SHISA9: variants seen among roughly 807,000 people sequenced by gnomAD.
SHISA9 encodes shisa family member 9.
In SHISA9, 13 loss-of-function variants were observed where a neutral mutation model predicts 38.0. The observed-to-expected ratio is 0.34, with a 90% CI of 0.22 to 0.54. The LOEUF (loss-of-function observed/expected upper bound fraction) is 0.54, where lower values mean the gene tolerates loss of function less well. SHISA9 is among the 20% of genes least tolerant of loss of function. The pLI, the probability that SHISA9 is intolerant of heterozygous loss-of-function variation, is 0.91. For missense variants in SHISA9, 538 were observed against 575.8 expected, an observed-to-expected ratio of 0.93 and a Z score of 0.67; for synonymous variants, 275 against 242.0, an observed-to-expected ratio of 1.14 and a Z score of -1.27.
intron 1 of SHISA9, among the ~76,000 whole-genome samples, chr16:12,915,432 A>G (rs538666522): frequency 6.6e-6 from 1 of 152,326 alleles, no homozygotes; most frequent in South Asian, 2.1e-4. Context: ...GTGACAGAGC[A>G]AGACCCTATC....
chr16:13,392,705 G>A, the SHISA9 span, among the ~76,000 whole-genome samples: 23 of 152,228 alleles, frequency 1.5e-4, no homozygotes, highest in Non-Finnish European at 3.1e-4. Flanking sequence ...TGGAGGCTGC[G>A]ATATGACTGG....
the SHISA9 span, among the ~76,000 whole-genome samples, chr16:13,279,522 T>C: frequency 6.6e-6 from 1 of 151,968 alleles, no homozygotes; most frequent in African/African-American, 2.4e-5. Flanking sequence ...TAAACTAGTC[T>C]CTGTTATTTC....
the SHISA9 span, among the ~76,000 whole-genome samples, chr16:13,505,232 C>A: frequency 1.3e-5 from 2 of 152,212 alleles, no homozygotes; most frequent in Admixed American, 1.3e-4. Flanking sequence ...CAAAAGCAAT[C>A]ATTAAAGTCA....
chr16:13,114,578 ATGT>A, intron 2 of SHISA9, among the ~76,000 whole-genome samples: 1 of 152,138 alleles, frequency 6.6e-6, no homozygotes, highest in South Asian at 2.1e-4. Flanking sequence ...TGCTAACAAC[ATGT>A]CTTCAAATAT....
intron 2 of SHISA9, among the ~76,000 whole-genome samples, chr16:13,046,497 G>T (rs1474635421): frequency 6.6e-6 from 1 of 152,168 alleles, no homozygotes; most frequent in Non-Finnish European, 1.5e-5. Context: ...AGAAAATGGG[G>T]CTTTGAGAAG....
At chr16:13,385,502 G>C in the SHISA9 span, among the ~76,000 whole-genome samples, 4 of 141,050 alleles carry the variant, frequency 2.8e-5, no homozygotes, top group Non-Finnish European at 3.1e-5. Context: ...CCATGAAATA[G>C]TACTCAGCAA....
the SHISA9 span, among the ~76,000 whole-genome samples, chr16:13,333,020 C>G: frequency 6.6e-6 from 1 of 152,220 alleles, no homozygotes; most frequent in African/African-American, 2.4e-5. Flanking sequence ...AAGACTTCTT[C>G]TCTCAGCAAG....
the SHISA9 span, among the ~76,000 whole-genome samples, chr16:13,266,852 G>A: frequency 6.6e-6 from 1 of 152,138 alleles, no homozygotes; most frequent in Non-Finnish European, 1.5e-5. Flanking sequence ...GGTGGGGAAG[G>A]CAGGGATTAT....
chr16:12,998,545 T>A (rs2072486815), intron 2 of SHISA9, among the ~76,000 whole-genome samples: 1 of 152,214 alleles, frequency 6.6e-6, no homozygotes, highest in Admixed American at 6.5e-5. Flanking sequence ...TTTATTTATT[T>A]TTGAGACAAT....
chr16:13,134,732 T>A (rs2050333758), intron 2 of SHISA9, among the ~76,000 whole-genome samples: 1 of 152,042 alleles, frequency 6.6e-6, no homozygotes, highest in Non-Finnish European at 1.5e-5. Context: ...TAGGCTAAGT[T>A]ATGTTGCCAT....
the SHISA9 span, among the ~76,000 whole-genome samples, chr16:13,526,817 C>A: frequency 1.3e-5 from 2 of 152,154 alleles, no homozygotes; most frequent in East Asian, 1.9e-4. Context: ...GAAGATGGAA[C>A]CTAAACGTAA....
the SHISA9 span, among the ~76,000 whole-genome samples, chr16:13,463,880 GAAGCTTGTT>G: frequency 7.2e-5 from 11 of 152,248 alleles, no homozygotes; most frequent in Non-Finnish European, 1.6e-4. Flanking sequence ...TGGAATTGCA[GAAGCTTGTT>G]AATATTGACT....
the SHISA9 span, among the ~76,000 whole-genome samples, chr16:13,508,690 T>C: frequency 6.6e-6 from 1 of 152,214 alleles, no homozygotes; most frequent in Admixed American, 6.5e-5. Context: ...TTTGGGTATA[T>C]ACAACGCATT....
chr16:13,070,473 G>C (rs13334195), intron 2 of SHISA9, among the ~76,000 whole-genome samples: 1 of 152,160 alleles, frequency 6.6e-6, no homozygotes, highest in Non-Finnish European at 1.5e-5. Flanking sequence ...TTCCCCTTTG[G>C]GGGAGGGACA....
chr16:13,315,506 A>G, the SHISA9 span, among the ~76,000 whole-genome samples: 2 of 152,164 alleles, frequency 1.3e-5, no homozygotes, highest in Non-Finnish European at 2.9e-5. Flanking sequence ...GATTTCTCTC[A>G]GGTTGGGGCT....
At chr16:12,998,911 G>A (rs1296832792) in intron 2 of SHISA9, among the ~76,000 whole-genome samples, 1 of 152,140 alleles carries the variant, frequency 6.6e-6, no homozygotes, top group Non-Finnish European at 1.5e-5. Flanking sequence ...CACTGAATTA[G>A]CAAATCCCTA....
At chr16:12,923,982 G>A (rs559540630) in intron 2 of SHISA9, among the ~76,000 whole-genome samples, 63 of 152,236 alleles carry the variant, frequency 4.1e-4, no homozygotes, top group African/African-American at 1.3e-3. Context: ...GGAGGGGTAG[G>A]GATCAGGACC....
intron 2 of SHISA9, among the ~76,000 whole-genome samples, chr16:13,029,749 A>T (rs1461308906): frequency 6.6e-6 from 1 of 152,230 alleles, no homozygotes; most frequent in East Asian, 1.9e-4. Context: ...TGAAAATAAA[A>T]ACAATTGAAC....
the SHISA9 span, among the ~76,000 whole-genome samples, chr16:13,404,591 T>C: frequency 2.6e-5 from 4 of 152,022 alleles, no homozygotes; most frequent in African/African-American, 9.7e-5. Flanking sequence ...AGGGAGGACA[T>C]GTTATGAGAT....
Sources: allele counts gnomAD v4.1 joint callset (sites outside exome capture counted in the v4.1 genomes callset), GRCh38; gene constraint gnomAD v4.1.1; transcripts MANE v1.5; gene names NCBI Gene and HGNC (gene_info 2026-07-23, HGNC 2026-07-21).